Variants in AKIRIN2 observed in about 807,000 individuals in gnomAD.
The protein encoded by AKIRIN2 is akirin 2, also known as akirin-2.
In AKIRIN2, 6 loss-of-function variants were observed where a neutral mutation model predicts 29.3. The ratio of observed to expected loss-of-function variants is 0.20; its 90% CI spans 0.11 to 0.40. The LOEUF (loss-of-function observed/expected upper bound fraction) is 0.40, where lower values mean the gene tolerates loss of function less well. Among genes scored for constraint, AKIRIN2 ranks in the 10% least tolerant of loss-of-function variants. The probability of loss-of-function intolerance (pLI) is 1.00; values close to 1 mark genes in which losing one functional copy is unlikely to be tolerated. For synonymous variants in AKIRIN2, 128 were observed against 117.5 expected (o/e 1.09, Z -0.58); for missense variants, 210 against 276.1 (o/e 0.76, Z 1.70).
Position 87,685,283 on chromosome 6 carries a change from A to C in AKIRIN2, c.236-3520T>G, listed in dbSNP as rs116776268. Among the ~76,000 whole-genome samples the C allele has an allele frequency of 5.8e-3, 883 of 152,314 alleles. 6 individuals are homozygous for C. The highest frequency in any genetic ancestry group is 0.02 in the African/African-American group (824 of 41,566). On this transcript the variant is annotated intron_variant, in intron 1 of 4. Coordinates refer to ENST00000257787, the MANE Select transcript of AKIRIN2 (RefSeq NM_018064.4). ...CAATTTATTTCAGTTCAGGGATATA[A>C]ACAGTCTTGAAGCTGATAACTCAAG...
At chr6:87,679,414 C>T (rs1771083042) in intron 2 of AKIRIN2, among the ~76,000 whole-genome samples, 1 of 152,106 alleles carries the variant, frequency 6.6e-6, no homozygotes, top group Non-Finnish European at 1.5e-5. Context: ...GTTCTAGCTA[C>T]AGGCTAGGCT....
intron 1 of AKIRIN2, among the ~76,000 whole-genome samples, chr6:87,682,645 T>C (rs1215391206): frequency 6.6e-6 from 1 of 152,186 alleles, no homozygotes; most frequent in Non-Finnish European, 1.5e-5. Context: ...GTTAACAGGT[T>C]ATCAATGTGA....
intron 1 of AKIRIN2, among the ~76,000 whole-genome samples, chr6:87,693,946 C>G (rs1050953099): frequency 6.6e-6 from 1 of 152,142 alleles, no homozygotes; most frequent in Non-Finnish European, 1.5e-5. Context: ...TCTAGATAAT[C>G]ATATTTTAGT....
chr6:87,694,149 G>C (rs980417175), intron 1 of AKIRIN2, among the ~76,000 whole-genome samples: 7 of 152,064 alleles, frequency 4.6e-5, no homozygotes, highest in Non-Finnish European at 1.0e-4. Flanking sequence ...ATTTTTTTGA[G>C]GGAGTTTTAC....
chr6:87,676,338 C>T (rs1466759192), intron 3 of AKIRIN2, among the ~76,000 whole-genome samples: 3 of 147,742 alleles, frequency 2.0e-5, no homozygotes, highest in East Asian at 4.1e-4. Context: ...GGTGGCAGGC[C>T]GCCTGTAGTC....
intron 1 of AKIRIN2, among the ~76,000 whole-genome samples, chr6:87,696,342 C>A (rs1199965243): frequency 6.6e-6 from 1 of 152,174 alleles, no homozygotes; most frequent in Non-Finnish European, 1.5e-5. Context: ...GGGCTAACCT[C>A]TAATCTAGCC....
intron 1 of AKIRIN2, among the ~76,000 whole-genome samples, chr6:87,686,333 T>C (rs993660988): frequency 1.3e-5 from 2 of 152,004 alleles, no homozygotes; most frequent in Admixed American, 6.6e-5. Context: ...CAGGAGAATG[T>C]AGTTATGGGA....
intron 1 of AKIRIN2, among the ~76,000 whole-genome samples, chr6:87,697,859 T>C (rs1771396699): frequency 6.6e-6 from 1 of 152,234 alleles, no homozygotes; most frequent in Admixed American, 6.5e-5. Flanking sequence ...CCATAAACAA[T>C]GTGAATTAAT....
At chr6:87,680,221 T>C (rs1387117386) in intron 2 of AKIRIN2, among the ~76,000 whole-genome samples, 1 of 152,150 alleles carries the variant, frequency 6.6e-6, no homozygotes, top group African/African-American at 2.4e-5. Context: ...CATGGCAGTA[T>C]TTAGTTTTGA....
At chr6:87,676,825 C>G (rs1234688041) in intron 3 of AKIRIN2, among the ~76,000 whole-genome samples, 5 of 150,404 alleles carry the variant, frequency 3.3e-5, no homozygotes, top group African/African-American at 1.2e-4. Flanking sequence ...GCCTGTAATC[C>G]CAGCACTTTG....
At position 87,675,403 on chromosome 6, in the gene AKIRIN2, C is replaced by A; in HGVS notation, c.*194G>T. ...GGTATTAATACAGGTAGCAAAGGTC[C>A]ACATCCAGGTGGTACTGACATCAGG... On this transcript the variant is annotated 3_prime_UTR_variant, in exon 5 of 5. Transcript: ENST00000257787. 1.5e-6 allele frequency: 1 copy of A among 653,896 alleles called. No individual in the cohort carries two copies. The highest frequency in any genetic ancestry group is 2.7e-6 in the Non-Finnish European group (1 of 371,672). 40.5% of individuals were successfully genotyped at this position (653,896 alleles called of 1,614,324 possible). A position where few individuals can be genotyped will look rare whatever the true frequency, so the allele number is the denominator to read the frequency against.
chr6:87,679,356 T>C (rs1030921992), intron 2 of AKIRIN2, among the ~76,000 whole-genome samples: 1 of 143,258 alleles, frequency 7.0e-6, no homozygotes, highest in African/African-American at 3.0e-5. Flanking sequence ...AAACCATGTC[T>C]CTAATAAAAA....
chr6:87,677,600 T>C (rs1436817904), intron 3 of AKIRIN2, among the ~76,000 whole-genome samples: 2 of 145,228 alleles, frequency 1.4e-5, no homozygotes, highest in Non-Finnish European at 3.1e-5. Context: ...TACCTACTAA[T>C]ATTACTGCTG....
At chr6:87,685,528 C>T (rs567612001) in intron 1 of AKIRIN2, among the ~76,000 whole-genome samples, 1 of 152,250 alleles carries the variant, frequency 6.6e-6, no homozygotes, top group African/African-American at 2.4e-5. Flanking sequence ...ATTGTCTTGC[C>T]AACACAATTT....
intron 1 of AKIRIN2, among the ~76,000 whole-genome samples, chr6:87,688,275 G>C (rs1162124002): frequency 6.6e-6 from 1 of 151,976 alleles, no homozygotes. Flanking sequence ...GGGATTACAG[G>C]TGCCCGCCAC....
chr6:87,697,182 G>A (rs1475446593), intron 1 of AKIRIN2, among the ~76,000 whole-genome samples: 3 of 151,412 alleles, frequency 2.0e-5, no homozygotes, highest in African/African-American at 2.4e-5. Flanking sequence ...GTGTGGTGGC[G>A]CACGCCTGTA....
intron 1 of AKIRIN2, among the ~76,000 whole-genome samples, chr6:87,699,315 T>G (rs561015540): frequency 2.6e-5 from 4 of 152,296 alleles, no homozygotes; most frequent in African/African-American, 9.6e-5. Context: ...ATTGGCCATA[T>G]AAACACAAAG....
chr6:87,687,023 C>A (rs1487496235), intron 1 of AKIRIN2, among the ~76,000 whole-genome samples: 4 of 127,092 alleles, frequency 3.1e-5, no homozygotes, highest in East Asian at 4.4e-4. Flanking sequence ...TCCAGCCAGG[C>A]GACAGAGCAA....
chr6:87,675,680 C>T (rs1467018534), intron 4 of AKIRIN2, 73 bp from the exon 5 acceptor site: 2 of 1,581,652 alleles, frequency 1.3e-6, no homozygotes, highest in African/African-American at 1.4e-5. Flanking sequence ...TCTTGATTCC[C>T]AATTTTGCCC....
Sources: gnomAD v4.1 joint callset for allele counts (sites outside exome capture counted in the v4.1 genomes callset) on GRCh38, gnomAD v4.1.1 for gene constraint, MANE v1.5 for transcripts, NCBI Gene and HGNC (gene_info 2026-07-23, HGNC 2026-07-21) for gene names.